The following SHC3 variants were observed in gnomAD, a reference collection of about 807,000 sequenced individuals.
The protein encoded by SHC3 is SHC adaptor protein 3.
SHC3 carries 15 observed loss-of-function variants against 60.4 expected under a neutral mutation model. The ratio of observed to expected loss-of-function variants is 0.25; its 90% CI spans 0.17 to 0.38. The LOEUF (loss-of-function observed/expected upper bound fraction) is 0.38, where lower values mean the gene tolerates loss of function less well. Among genes scored for constraint, SHC3 ranks in the 10% least tolerant of loss-of-function variants. The probability of loss-of-function intolerance (pLI) is 1.00; values close to 1 mark genes in which losing one functional copy is unlikely to be tolerated. For synonymous variants in SHC3, 294 were observed against 325.9 expected, an observed-to-expected ratio of 0.90 and a Z score of 1.05; for missense variants, 677 against 786.1, an observed-to-expected ratio of 0.86 and a Z score of 1.66.
intron 11 of SHC3, among the ~76,000 whole-genome samples, chr9:89,024,725 T>C (rs530541788): frequency 2.6e-5 from 4 of 152,238 alleles, no homozygotes; most frequent in Non-Finnish European, 5.9e-5. Context: ...CTGCACAGTT[T>C]AACCTTACAC....
intron 1 of SHC3, among the ~76,000 whole-genome samples, chr9:89,121,716 A>G (rs748318610): frequency 6.6e-6 from 1 of 152,250 alleles, no homozygotes; most frequent in Non-Finnish European, 1.5e-5. Context: ...AAAAGTCTTT[A>G]TACAATTTAT....
intron 1 of SHC3, among the ~76,000 whole-genome samples, chr9:89,170,841 T>G (rs1253855938): frequency 6.6e-6 from 1 of 152,166 alleles, no homozygotes; most frequent in East Asian, 1.9e-4. Context: ...GATATTACAT[T>G]TATAGTATAC....
In SHC3 at chr9:89,006,848, G is replaced by A. The variant is rs1825947747; in HGVS notation, c.*6599C>T. 1.3e-5 allele frequency: 2 copies of A among 152,170 alleles called. No individual in the cohort carries two copies. Among genetic ancestry groups the A allele is most frequent in the South Asian group, 4.1e-4 (2 of 4,826 alleles). 9.4% of individuals were successfully genotyped at this position (152,170 alleles called of 1,614,324 possible). A position where few individuals can be genotyped will look rare whatever the true frequency, so the allele number is the denominator to read the frequency against. ...TTAACCCCATTAATATTTAAAGACG[G>A]ATTTATCCATTAATGCCTGTTTTAA... On this transcript the variant is annotated 3_prime_UTR_variant, in exon 12 of 12. Coordinates refer to ENST00000375835, the MANE Select transcript of SHC3 (RefSeq NM_016848.6).
At chr9:89,116,603 G>A (rs1423817370) in intron 1 of SHC3, among the ~76,000 whole-genome samples, 2 of 152,154 alleles carry the variant, frequency 1.3e-5, no homozygotes, top group Admixed American at 6.5e-5. Flanking sequence ...AAACAATGAT[G>A]CAAAATTGTC....
At position 89,038,277 on chromosome 9, in the gene SHC3, C is replaced by T. The variant is rs780924372; in HGVS notation, c.1372G>A (p.Asp458Asn). The change falls in exon 11 of 12, where the codon GAT becomes AAT. Residue 458 changes from aspartate to asparagine, a missense_variant. Physicochemically the swap from Asp to Asn is conservative, Grantham distance 23. Coordinates refer to ENST00000375835, the MANE Select transcript of SHC3 (RefSeq NM_016848.6). Reference protein sequence around the residue: ...KDLFDMKPFEDALKNQPLGPV... With the variant: ...KDLFDMKPFENALKNQPLGPV... ...CCCAAGGGCTGGTTCTTGAGAGCAT[C>T]TTCAAAAGGTTCTGTCATCAACAAT... 3 of 1,611,008 alleles carry T rather than the reference C, an allele frequency of 1.9e-6. No homozygotes were observed. The highest frequency in any genetic ancestry group is 2.5e-6 in the Non-Finnish European group (3 of 1,178,546).
intron 5 of SHC3, among the ~76,000 whole-genome samples, chr9:89,067,188 TGAA>T (rs1196021927): frequency 6.6e-6 from 1 of 152,202 alleles, no homozygotes; most frequent in African/African-American, 2.4e-5. Context: ...AGTCAGAATC[TGAA>T]GTTATTGGCA....
At chr9:89,119,709 A>C (rs1826064290) in intron 1 of SHC3, among the ~76,000 whole-genome samples, 1 of 152,234 alleles carries the variant, frequency 6.6e-6, no homozygotes, top group South Asian at 2.1e-4. Context: ...CCCCAAATTA[A>C]TCTACAATTT....
chr9:89,024,766 A>T (rs1377250145), intron 11 of SHC3, among the ~76,000 whole-genome samples: 1 of 152,192 alleles, frequency 6.6e-6, no homozygotes, highest in Non-Finnish European at 1.5e-5. Flanking sequence ...AAGGATTCTG[A>T]GCAGGGAATG....
intron 9 of SHC3, among the ~76,000 whole-genome samples, chr9:89,045,077 C>T (rs1824749945): frequency 6.6e-6 from 1 of 151,998 alleles, no homozygotes. Context: ...TTAGAGTTGC[C>T]TCACCAGTTC....
Position 89,010,745 on chromosome 9 carries a change from T to C in SHC3, c.*2702A>G, listed in dbSNP as rs961560620. The C allele has an allele frequency of 1.3e-5, 2 of 152,516 alleles. No homozygotes were observed. The highest frequency in any genetic ancestry group is 1.5e-5 in the Non-Finnish European group (1 of 68,252). The allele number at this position is 152,516 out of a possible 1,614,324, so 9.4% of individuals were successfully genotyped here. On this transcript the variant is annotated 3_prime_UTR_variant, in exon 12 of 12. Coordinates refer to ENST00000375835, the MANE Select transcript of SHC3 (RefSeq NM_016848.6). ...TCCCTGCCCTGCCCAGGCAGAGATG[T>C]GGCCTGAGAAAGTGTGGGGAAGAGG...
chr9:89,165,163 G>C (rs771425672), intron 1 of SHC3, among the ~76,000 whole-genome samples: 2 of 152,042 alleles, frequency 1.3e-5, no homozygotes, highest in African/African-American at 2.4e-5. Context: ...AGCATATAAA[G>C]TTAGAAAAGC....
chr9:89,037,395 T>A (rs2117869144), intron 11 of SHC3: 1 of 643,770 alleles, frequency 1.6e-6, no homozygotes, highest in African/African-American at 1.8e-5. Flanking sequence ...AACTTAGCAA[T>A]TCTTGGACTA....
intron 3 of SHC3, among the ~76,000 whole-genome samples, chr9:89,077,515 AGTT>A (rs1471854188): frequency 6.6e-6 from 1 of 152,202 alleles, no homozygotes; most frequent in African/African-American, 2.4e-5. Context: ...TATCTAACTC[AGTT>A]GTTGTAGTTA....
intron 2 of SHC3, among the ~76,000 whole-genome samples, chr9:89,095,896 A>G (rs1825694177): frequency 6.6e-6 from 1 of 152,148 alleles, no homozygotes; most frequent in Admixed American, 6.5e-5. Flanking sequence ...GAGGCTATAA[A>G]TAATTGAGCT....
chr9:89,037,030 C>T (rs1000754189), intron 11 of SHC3, among the ~76,000 whole-genome samples: 4 of 151,000 alleles, frequency 2.6e-5, no homozygotes, highest in African/African-American at 4.9e-5. Context: ...TGGCTGTCTC[C>T]GCGGAAGGGA....
intron 1 of SHC3, among the ~76,000 whole-genome samples, chr9:89,126,933 C>A (rs1354919781): frequency 1.3e-5 from 2 of 152,078 alleles, no homozygotes; most frequent in Non-Finnish European, 2.9e-5. Flanking sequence ...ACCTTGTAAC[C>A]ATGTGGTGGT....
At position 89,154,723 on chromosome 9, in the gene SHC3, C is replaced by T. The variant is rs535900285; in HGVS notation, c.474+23264G>A. Among the ~76,000 whole-genome samples, 39 of 152,060 alleles carry T rather than the reference C, an allele frequency of 2.6e-4. 1 individual carries two copies. Among genetic ancestry groups the T allele is most frequent in the South Asian group, 6.2e-4 (3 of 4,808 alleles). On this transcript the variant is annotated intron_variant, in intron 1 of 11. Transcript: ENST00000375835. ...CGCCTTTGTAAATGTGAGCTGGTGG[C>T]GTGTGTCATCAATCTTACGTACGAC...
chr9:89,125,527 A>C (rs1826151502), intron 1 of SHC3, among the ~76,000 whole-genome samples: 1 of 152,136 alleles, frequency 6.6e-6, no homozygotes, highest in Non-Finnish European at 1.5e-5. Context: ...GGAGCTGGGT[A>C]AAATGAGGCT....
rs1825000308 is a variant in SHC3, at chr9:89,058,685, A to ATGGAGGGCGGTGG, written c.836-6535_836-6523dup. On this transcript the variant is annotated intron_variant, in intron 6 of 11. Coordinates refer to ENST00000375835, the MANE Select transcript of SHC3 (RefSeq NM_016848.6). ...GTGGAGGATGGTGGTGTAGGATGTGATGGAGGGCGGTGGTGGAGGACGTGG... is the reference window on the plus strand; with the variant it reads ...GTGGAGGATGGTGGTGTAGGATGTGATGGAGGGCGGTGGTGGAGGGCGGTGGTGGAGGACGTGG... 3.0e-5 allele frequency among the ~76,000 whole-genome samples: 3 copies of ATGGAGGGCGGTGG among 101,096 alleles called. No individual in the cohort carries two copies. In the East Asian group the frequency reaches 1.1e-3, roughly 36 times the overall value. The allele number at this position is 101,096 out of a possible 152,430, so 66.3% of individuals were successfully genotyped here.
Sources: allele counts gnomAD v4.1 joint callset (sites outside exome capture counted in the v4.1 genomes callset), GRCh38; gene constraint gnomAD v4.1.1; transcripts MANE v1.5; gene names NCBI Gene and HGNC (gene_info 2026-07-23, HGNC 2026-07-21).